The following AANAT variants were observed in gnomAD, a reference collection of about 807,000 sequenced individuals.
AANAT encodes aralkylamine N-acetyltransferase, also known as serotonin N-acetyltransferase.
A neutral mutation model predicts 15.6 loss-of-function variants in AANAT; 11 were observed. The ratio of observed to expected loss-of-function variants is 0.71; its 90% confidence interval spans 0.44 to 1.17. The LOEUF is 1.17. Ranked by LOEUF, AANAT falls within the 50% of genes most tolerant of loss-of-function variation. AANAT has a pLI of 0.00. For missense variants in AANAT, 286 were observed against 296.3 expected (o/e 0.97, Z 0.26); for synonymous variants, 139 against 131.5 (o/e 1.06, Z -0.39).
In AANAT at chr17:76,469,755, C is replaced by T. The variant is rs748852567; in HGVS notation, c.409C>T (p.Pro137Ser). The T allele has an allele frequency of 3.8e-6, 6 of 1,576,776 alleles. No homozygotes were observed. Among genetic ancestry groups the T allele is most frequent in the Non-Finnish European group, 5.2e-6 (6 of 1,162,254 alleles). The change falls in exon 4 of 4, where the codon CCC becomes TCC. Residue 137 changes from proline (P) to serine (S), a missense_variant. By Grantham distance (74) the Pro-to-Ser change is moderately conservative. Coordinates refer to ENST00000392492, the MANE Select transcript of AANAT (RefSeq NM_001088.3). The surrounding 1 kb of genome is among the most constrained non-coding windows in gnomAD (Gnocchi z 5.2). ...CGCCTTCCGGCAGCAGGGCAGGGGC[C>T]CCATCCTGCTGTGGCGCTACCTGCA... Reference protein sequence around the residue: ...HRAFRQQGRGPILLWRYLHHL... With the variant: ...HRAFRQQGRGSILLWRYLHHL...
chr17:76,466,762 C>T (rs1008181058), upstream of AANAT, among the ~76,000 whole-genome samples: 5 of 152,166 alleles, frequency 3.3e-5, no homozygotes, highest in Admixed American at 1.3e-4. Flanking sequence ...TTAAAGGAGA[C>T]GCGTATCCAG....
intron 2 of AANAT, among the ~76,000 whole-genome samples, chr17:76,461,187 CA>C (rs541854684): frequency 4.2e-4 from 63 of 150,796 alleles, no homozygotes; most frequent in African/African-American, 1.2e-3. Context: ...AAAACAAAAA[CA>C]AAAAAACAGA....
chr17:76,457,243 T>C (rs1462561329), intron 1 of AANAT, among the ~76,000 whole-genome samples: 3 of 152,138 alleles, frequency 2.0e-5, no homozygotes, highest in African/African-American at 7.2e-5. Flanking sequence ...GGGTTTACCA[T>C]GTTGGCCAGG....
At chr17:76,456,466 G>C (rs1049347410) in intron 1 of AANAT, among the ~76,000 whole-genome samples, 1 of 152,056 alleles carries the variant, frequency 6.6e-6, no homozygotes, top group African/African-American at 2.4e-5. Flanking sequence ...CCAAATCTTA[G>C]AAAATTTATC....
intron 2 of AANAT, among the ~76,000 whole-genome samples, chr17:76,459,885 G>T (rs1038278127): frequency 6.6e-5 from 10 of 152,166 alleles, no homozygotes; most frequent in African/African-American, 2.2e-4. Flanking sequence ...CCTAGACCTC[G>T]GCTGTAGGCC....
upstream of AANAT, chr17:76,466,190 G>A: frequency 2.0e-6 from 3 of 1,536,894 alleles, no homozygotes; most frequent in Non-Finnish European, 2.6e-6. Flanking sequence ...CACAGTCTAT[G>A]AAGGGACAGA....
upstream of AANAT, among the ~76,000 whole-genome samples, chr17:76,466,891 G>T (rs906161664): frequency 2.6e-5 from 4 of 152,210 alleles, no homozygotes; most frequent in Non-Finnish European, 5.9e-5. Context: ...TCTGCAGGGG[G>T]TCAAAAGAGT....
At chr17:76,467,497 AG>A, upstream of AANAT, 4 of 974,000 alleles carry the variant, frequency 4.1e-6, no homozygotes, top group Non-Finnish European at 4.9e-6. Flanking sequence ...TCAGCAAGGC[AG>A]GGGCCGAGGC....
In AANAT at chr17:76,468,660, G is replaced by A. The variant is rs1041424143; in HGVS notation, c.-75-12G>A. On this transcript the variant is annotated splice_polypyrimidine_tract_variant and intron_variant, in intron 1 of 3. Coordinates refer to ENST00000392492, the MANE Select transcript of AANAT (RefSeq NM_001088.3). ...GAGGATGAGACCCCTGTCCCTTGCT[G>A]TTCTCCAACAGGTGCTGGGAGGCCC... 3.3e-6 allele frequency: 5 copies of A among 1,538,002 alleles called. No homozygotes were observed. In the African/African-American group the frequency reaches 5.5e-5, roughly 17 times the overall value.
upstream of AANAT, chr17:76,465,945 G>C (rs2073432880): frequency 1.8e-6 from 1 of 540,824 alleles, no homozygotes; most frequent in Non-Finnish European, 3.4e-6. Context: ...GACCTCTCCG[G>C]CTCAAGCCAT....
At chr17:76,463,727 T>C (rs1188592101), upstream of AANAT, among the ~76,000 whole-genome samples, 1 of 152,228 alleles carries the variant, frequency 6.6e-6, no homozygotes, top group African/African-American at 2.4e-5. Flanking sequence ...CATTCTCCCC[T>C]GGGTTCTTCC....
intron 1 of AANAT, among the ~76,000 whole-genome samples, chr17:76,454,953 C>A (rs930797924): frequency 2.6e-5 from 4 of 151,516 alleles, no homozygotes; most frequent in Non-Finnish European, 5.9e-5. Context: ...ATGGTGAAAC[C>A]CTGTCTCTAC....
At chr17:76,466,379 A>C, upstream of AANAT, 15 of 304,548 alleles carry the variant, frequency 4.9e-5, no homozygotes, top group Non-Finnish European at 7.1e-5. Context: ...GGAGAAGGGG[A>C]CCCAGAGACA....
chr17:76,460,465 T>A (rs2143965632), intron 2 of AANAT, among the ~76,000 whole-genome samples: 1 of 152,070 alleles, frequency 6.6e-6, no homozygotes, highest in South Asian at 2.1e-4. Flanking sequence ...TTTTTATTTT[T>A]TTATTAAAAA....
At chr17:76,454,297 A>G (rs1219207991) in intron 1 of AANAT, among the ~76,000 whole-genome samples, 2 of 150,980 alleles carry the variant, frequency 1.3e-5, no homozygotes, top group African/African-American at 4.9e-5. Flanking sequence ...CAACATGGCG[A>G]AACCCCATCT....
chr17:76,466,915 C>T (rs1033767755), upstream of AANAT, among the ~76,000 whole-genome samples: 1 of 152,148 alleles, frequency 6.6e-6, no homozygotes, highest in Admixed American at 6.5e-5. Context: ...CCTGTGAAAT[C>T]CAACCTCCAG....
intron 2 of AANAT, among the ~76,000 whole-genome samples, chr17:76,459,846 T>G (rs992434780): frequency 6.6e-6 from 1 of 152,232 alleles, no homozygotes; most frequent in Non-Finnish European, 1.5e-5. Flanking sequence ...TAACATTAGC[T>G]TTTCTTAGGA....
chr17:76,463,931 G>A (rs1345887673), upstream of AANAT, among the ~76,000 whole-genome samples: 2 of 152,142 alleles, frequency 1.3e-5, no homozygotes, highest in Non-Finnish European at 2.9e-5. Flanking sequence ...AGTGGGATGG[G>A]GGCTCTGATG....
chr17:76,461,658 A>G (rs1255924297), intron 2 of AANAT, among the ~76,000 whole-genome samples: 1 of 150,762 alleles, frequency 6.6e-6, no homozygotes, highest in Non-Finnish European at 1.5e-5. Flanking sequence ...AAATCAATCA[A>G]TCAATCAATC....
Sources: allele counts gnomAD v4.1 joint callset (sites outside exome capture counted in the v4.1 genomes callset), GRCh38; gene constraint gnomAD v4.1.1; non-coding constraint Gnocchi (gnomAD v3.1); transcripts MANE v1.5; gene names NCBI Gene and HGNC (gene_info 2026-07-23, HGNC 2026-07-21).